The following GALNT13 variants were observed in gnomAD, a reference collection of about 807,000 sequenced individuals.
The protein encoded by GALNT13 is polypeptide N-acetylgalactosaminyltransferase 13.
GALNT13 carries 28 observed loss-of-function variants against 64.2 expected under a neutral mutation model. That is an observed-to-expected ratio of 0.44 (90% CI 0.32 to 0.60). The LOEUF (loss-of-function observed/expected upper bound fraction) is 0.60, where lower values mean the gene tolerates loss of function less well. Ranked by LOEUF, GALNT13 falls within the 20% of genes least tolerant of loss-of-function variation. The pLI, the probability that GALNT13 is intolerant of heterozygous loss-of-function variation, is 0.05. For missense variants in GALNT13, 577 were observed against 669.8 expected, an observed-to-expected ratio of 0.86 and a Z score of 1.53; for synonymous variants, 214 against 224.6, an observed-to-expected ratio of 0.95 and a Z score of 0.42.
the GALNT13 span, among the ~76,000 whole-genome samples, chr2:153,558,554 T>A: frequency 2.0e-5 from 3 of 152,190 alleles, no homozygotes; most frequent in Admixed American, 2.0e-4. Context: ...AGCTTTGCTG[T>A]CTTCTCCTTT....
intron 2 of GALNT13, among the ~76,000 whole-genome samples, chr2:153,933,662 A>G (rs1690689876): frequency 6.6e-6 from 1 of 152,070 alleles, no homozygotes; most frequent in South Asian, 2.1e-4. Context: ...AAACTTGATC[A>G]TGTAGGTGTT....
chr2:153,257,979 A>T, the GALNT13 span, among the ~76,000 whole-genome samples: 2 of 152,144 alleles, frequency 1.3e-5, no homozygotes, highest in Admixed American at 6.6e-5. Flanking sequence ...TAAGTAAAGA[A>T]TGTCACTTTC....
intron 3 of GALNT13, among the ~76,000 whole-genome samples, chr2:153,974,581 T>C (rs1253145141): frequency 6.6e-6 from 1 of 151,936 alleles, no homozygotes. Flanking sequence ...ATAATAAATA[T>C]AACAAATAAC....
the GALNT13 span, among the ~76,000 whole-genome samples, chr2:153,343,880 A>G: frequency 1.3e-5 from 2 of 152,186 alleles, no homozygotes; most frequent in Non-Finnish European, 2.9e-5. Flanking sequence ...GCATCTACAA[A>G]ATTAAACCTA....
the GALNT13 span, among the ~76,000 whole-genome samples, chr2:153,265,711 G>T: frequency 6.6e-6 from 1 of 152,080 alleles, no homozygotes; most frequent in Non-Finnish European, 1.5e-5. Context: ...TGGTGTTCCT[G>T]TGCAGAAGAT....
At chr2:154,363,103 G>A (rs1404842832) in intron 9 of GALNT13, among the ~76,000 whole-genome samples, 1 of 151,900 alleles carries the variant, frequency 6.6e-6, no homozygotes, top group Non-Finnish European at 1.5e-5. Flanking sequence ...CTGATCTCTG[G>A]GATTTGTTAT....
chr2:153,216,887 A>AATT, the GALNT13 span, among the ~76,000 whole-genome samples: 219 of 152,002 alleles, frequency 1.4e-3, 5 homozygotes, highest in East Asian at 0.038. Flanking sequence ...CCAAGATCAC[A>AATT]ATTATTTTTT....
chr2:154,077,293 A>G lies in GALNT13; in HGVS notation c.143-63044A>G, dbSNP rs181142306. ...AAGTTTTTATAGGTTTACCAGACTCATTAATTGCCTGGGAAGAACTTTACA... is the reference window on the plus strand; with the variant it reads ...AAGTTTTTATAGGTTTACCAGACTCGTTAATTGCCTGGGAAGAACTTTACA... On this transcript the variant is annotated intron_variant, in intron 3 of 12. Coordinates refer to ENST00000392825, the MANE Select transcript of GALNT13 (RefSeq NM_052917.4). Among the ~76,000 whole-genome samples, 399 of 151,680 alleles carry G rather than the reference A, an allele frequency of 2.6e-3. 1 individual carries two copies. Among genetic ancestry groups the G allele is most frequent in the Non-Finnish European group, 4.4e-3 (297 of 67,664 alleles).
At chr2:153,132,563 G>A in the GALNT13 span, among the ~76,000 whole-genome samples, 1 of 152,114 alleles carries the variant, frequency 6.6e-6, no homozygotes, top group Non-Finnish European at 1.5e-5. Flanking sequence ...TATCCCGTGA[G>A]TCATGCTTGT....
chr2:153,925,100 T>TTGGCATCTTTGTCA (rs1221007780), intron 2 of GALNT13, among the ~76,000 whole-genome samples: 1 of 152,238 alleles, frequency 6.6e-6, no homozygotes, highest in Non-Finnish European at 1.5e-5. Context: ...TGCAATTGCT[T>TTGGCATCTTTGTCA]TGGCATCTTT....
the GALNT13 span, among the ~76,000 whole-genome samples, chr2:153,312,788 A>G: frequency 6.6e-6 from 1 of 152,192 alleles, no homozygotes; most frequent in Non-Finnish European, 1.5e-5. Flanking sequence ...TGGTATGTTC[A>G]AACTGGCTTT....
chr2:153,445,055 T>A, the GALNT13 span, among the ~76,000 whole-genome samples: 1 of 152,200 alleles, frequency 6.6e-6, no homozygotes, highest in Non-Finnish European at 1.5e-5. Flanking sequence ...TCCATAGCAA[T>A]TGACAGTGTC....
chr2:153,364,058 T>G, the GALNT13 span, among the ~76,000 whole-genome samples: 2 of 152,168 alleles, frequency 1.3e-5, no homozygotes, highest in Admixed American at 1.3e-4. Flanking sequence ...GTAGGCTTCA[T>G]CCCTGGGATG....
At chr2:154,350,043 C>T (rs983803818) in intron 9 of GALNT13, among the ~76,000 whole-genome samples, 1 of 152,102 alleles carries the variant, frequency 6.6e-6, no homozygotes, top group African/African-American at 2.4e-5. Flanking sequence ...AAAGAAAAAA[C>T]CAGAAGAAAT....
rs1687490712 is a variant in GALNT13 at position 154,206,888 on chromosome 2, C to A, written c.312-35142C>A. ...TCGTTTCACCATGCATTTCACCGTG[C>A]AAATCAGCAATCAGGATTTATTTAT... On this transcript the variant is annotated intron_variant, in intron 4 of 12. Coordinates refer to ENST00000392825, the MANE Select transcript of GALNT13 (RefSeq NM_052917.4). 2.0e-5 allele frequency among the ~76,000 whole-genome samples: 3 copies of A among 151,844 alleles called. No individual in the cohort carries two copies. The South Asian group carries it at 6.2e-4, about 31-fold the overall frequency.
chr2:154,372,595 A>G (rs1697761371), intron 9 of GALNT13, among the ~76,000 whole-genome samples: 2 of 152,148 alleles, frequency 1.3e-5, no homozygotes, highest in East Asian at 1.9e-4. Context: ...CCATTGAAAT[A>G]TTTACAAGGT....
chr2:153,522,247 C>T, the GALNT13 span, among the ~76,000 whole-genome samples: 1 of 151,694 alleles, frequency 6.6e-6, no homozygotes, highest in African/African-American at 2.4e-5. Flanking sequence ...GTGGGAGAAT[C>T]GTTTGAACCT....
At chr2:154,019,602 CCACA>C (rs67316542) in intron 3 of GALNT13, among the ~76,000 whole-genome samples, 16,430 of 126,224 alleles carry the variant, frequency 0.13, 1,229 homozygotes, top group African/African-American at 0.2. Flanking sequence ...GAGTAAGACT[CCACA>C]CACACACACA....
chr2:153,291,697 T>C, the GALNT13 span, among the ~76,000 whole-genome samples: 1 of 151,248 alleles, frequency 6.6e-6, no homozygotes, highest in Non-Finnish European at 1.5e-5. Flanking sequence ...ACTATGTCTG[T>C]TGCATAATTT....
Sources: allele counts gnomAD v4.1 joint callset (sites outside exome capture counted in the v4.1 genomes callset), GRCh38; gene constraint gnomAD v4.1.1; transcripts MANE v1.5; gene names NCBI Gene and HGNC (gene_info 2026-07-23, HGNC 2026-07-21).